The following GRID2IP variants were observed in gnomAD, a reference collection of about 807,000 sequenced individuals.
The protein encoded by GRID2IP is delphilin.
A neutral mutation model predicts 114.3 loss-of-function variants in GRID2IP; 78 were observed. The ratio of observed to expected loss-of-function variants is 0.68; its 90% CI spans 0.57 to 0.82. The LOEUF is 0.82. Among genes scored for constraint, GRID2IP ranks in the 40% least tolerant of loss-of-function variants. GRID2IP has a pLI of 0.00. For synonymous variants in GRID2IP, 809 were observed against 724.0 expected, an observed-to-expected ratio of 1.12 and a Z score of -1.89; for missense variants, 1,727 against 1,678.5, an observed-to-expected ratio of 1.03 and a Z score of -0.51.
chr7:6,507,849 T>A lies in GRID2IP; in HGVS notation c.2544+136A>T. 1 of 1,358,558 alleles carries A rather than the reference T, an allele frequency of 7.4e-7. No homozygotes were observed. Among genetic ancestry groups the A allele is most frequent in the East Asian group, 2.6e-5 (1 of 38,090 alleles). 84.2% of individuals were successfully genotyped at this position (1,358,558 alleles called of 1,614,324 possible). On this transcript the variant is annotated intron_variant, in intron 13 of 21. Coordinates refer to ENST00000457091, the MANE Select transcript of GRID2IP (RefSeq NM_001145118.2). The surrounding 1 kb of genome is among the most constrained non-coding windows in gnomAD (Gnocchi z 5.3). ...CCCAAGCGTGGGGACGTTCTTGGGC[T>A]GGGCCTCTACTCATCCTCTGCTTGG...
Position 6,498,347 on chromosome 7 carries a change from G to T in GRID2IP, c.3400-119C>A, listed in dbSNP as rs1301404994. 3.3e-6 allele frequency: 3 copies of T among 905,670 alleles called. No homozygotes were observed. In the African/African-American group the frequency reaches 5.1e-5, roughly 15 times the overall value. 56.1% of individuals were successfully genotyped at this position (905,670 alleles called of 1,614,324 possible). A position where few individuals can be genotyped will look rare whatever the true frequency, so the allele number is the denominator to read the frequency against. On this transcript the variant is annotated intron_variant, in intron 20 of 21. Coordinates refer to ENST00000457091, the MANE Select transcript of GRID2IP (RefSeq NM_001145118.2). ...CCGGTTGGCCTGAGTCCTTCCAAGG[G>T]CCAGGCCCTGTGTCCAACAGGGAAC... is the stretch of plus-strand genomic sequence containing the variant.
At chr7:6,517,411 C>T (rs542840681) in intron 7 of GRID2IP, among the ~76,000 whole-genome samples, 17 of 152,184 alleles carry the variant, frequency 1.1e-4, no homozygotes, top group Admixed American at 5.9e-4. Context: ...GAGAAAAACC[C>T]ACAGGCCCTG....
rs1169317094 is a variant in GRID2IP at position 6,509,739 on chromosome 7, G to A, written c.1772-426C>T. 6.6e-6 allele frequency among the ~76,000 whole-genome samples: 1 copy of A among 152,200 alleles called. No homozygotes were observed. Among genetic ancestry groups the A allele is most frequent in the African/African-American group, 2.4e-5 (1 of 41,448 alleles). ...GCAGAGCAACTGTCTTCCCAGCTGT[G>A]CCAACGCTGGTACAACGCGTTGCAC... On this transcript the variant is annotated intron_variant, in intron 11 of 21. Coordinates refer to ENST00000457091, the MANE Select transcript of GRID2IP (RefSeq NM_001145118.2). The surrounding 1 kb of genome is among the most constrained non-coding windows in gnomAD (Gnocchi z 4.9).
At position 6,531,027 on chromosome 7, in the gene GRID2IP, C is replaced by T. The variant is rs926281205; in HGVS notation, c.585-4258G>A. 7.8e-6 allele frequency: 5 copies of T among 644,632 alleles called. No individual in the cohort carries two copies. In the African/African-American group the frequency reaches 9.5e-5, roughly 12 times the overall value. 39.9% of individuals were successfully genotyped at this position (644,632 alleles called of 1,614,324 possible). A position where few individuals can be genotyped will look rare whatever the true frequency, so the allele number is the denominator to read the frequency against. ...CGAGGCGGATCCGTGGCGCAGAGGGCGCACGGTTCCCGGAGGCGCGGGACG... is the reference window on the plus strand; with the variant it reads ...CGAGGCGGATCCGTGGCGCAGAGGGTGCACGGTTCCCGGAGGCGCGGGACG... On this transcript the variant is annotated intron_variant, in intron 2 of 21. Coordinates refer to ENST00000457091, the MANE Select transcript of GRID2IP (RefSeq NM_001145118.2).
At chr7:6,548,119 G>A (rs770153857) in intron 1 of GRID2IP, among the ~76,000 whole-genome samples, 3 of 152,164 alleles carry the variant, frequency 2.0e-5, no homozygotes, top group Non-Finnish European at 2.9e-5. Context: ...TTGGAAGGCC[G>A]AGGTAGGCAG....
Position 6,509,852 on chromosome 7 carries a change from G to A in GRID2IP, c.1771+431C>T, listed in dbSNP as rs1214559519. Among the ~76,000 whole-genome samples the A allele has an allele frequency of 6.6e-6, 1 of 152,204 alleles. No homozygotes were observed. The highest frequency in any genetic ancestry group is 6.5e-5 in the Admixed American group (1 of 15,282). On this transcript the variant is annotated intron_variant, in intron 11 of 21. Coordinates refer to ENST00000457091, the MANE Select transcript of GRID2IP (RefSeq NM_001145118.2). This position sits in a 1 kb window ranked among gnomAD's most constrained non-coding sequence, Gnocchi z 4.9. ...TTCTTTCTTTTTCTTTTTTAAGACA[G>A]GGTCTTACTCTGTTGCTTATAGGCT...
Position 6,521,954 on chromosome 7 carries a change from C to A in GRID2IP, c.923G>T (p.Ser308Ile), listed in dbSNP as rs1199505603. ...CTTGAGGGCAGCATTGTCAGCTGGGCTCCCTGGAAGCAAGAAGAGAGGGTG... is the reference window on the plus strand; with the variant it reads ...CTTGAGGGCAGCATTGTCAGCTGGGATCCCTGGAAGCAAGAAGAGAGGGTG... ...PVWIESVLPGSPADNAALKSG... is the reference protein window; with the variant it reads ...PVWIESVLPGIPADNAALKSG... The change falls in exon 5 of 22, where the codon AGC (serine) becomes ATC (isoleucine). Residue 308 changes from serine to isoleucine, a missense_variant. By Grantham distance (142) the Ser-to-Ile change is moderately radical (BLOSUM62 -2). Coordinates refer to ENST00000457091, the MANE Select transcript of GRID2IP (RefSeq NM_001145118.2). The surrounding 1 kb of genome is among the most constrained non-coding windows in gnomAD (Gnocchi z 4.1). 1 of 1,551,186 alleles carries A rather than the reference C, an allele frequency of 6.4e-7. No homozygotes were observed. Among genetic ancestry groups the A allele is most frequent in the Admixed American group, 2.0e-5 (1 of 50,972 alleles).
At chr7:6,517,722 G>A (rs1467987551) in intron 7 of GRID2IP, among the ~76,000 whole-genome samples, 1 of 151,494 alleles carries the variant, frequency 6.6e-6, no homozygotes, top group African/African-American at 2.4e-5. Context: ...GGCCAACATG[G>A]TGAAACCCCA....
intron 1 of GRID2IP, among the ~76,000 whole-genome samples, chr7:6,546,802 G>T (rs923276725): frequency 6.6e-6 from 1 of 152,056 alleles, no homozygotes; most frequent in Admixed American, 6.6e-5. Context: ...TCCTGGGCAG[G>T]TCTTCTCTTG....
At chr7:6,549,097 G>A (rs933045157) in intron 1 of GRID2IP, among the ~76,000 whole-genome samples, 2 of 152,172 alleles carry the variant, frequency 1.3e-5, no homozygotes, top group African/African-American at 4.8e-5. Context: ...GGAGGTTGCT[G>A]TACTGGGACC....
intron 8 of GRID2IP, 32 bp downstream of exon 8, chr7:6,514,343 G>C (rs1432651376): frequency 6.8e-7 from 1 of 1,467,186 alleles, no homozygotes; most frequent in South Asian, 1.4e-5. Flanking sequence ...AGCAGCTGCA[G>C]GCAGGGAAGT....
chr7:6,544,071 A>G (rs920072441), intron 1 of GRID2IP, among the ~76,000 whole-genome samples: 1 of 151,934 alleles, frequency 6.6e-6, no homozygotes, highest in Non-Finnish European at 1.5e-5. Flanking sequence ...TGTTGGAATT[A>G]CACGTCTGAG....
At position 6,526,239 on chromosome 7, in the gene GRID2IP, C is replaced by T. The variant is rs899930185; in HGVS notation, c.904G>A (p.Glu302Lys). ...CACCCCTCACCAGGCAGGACAGACT[C>T]GATCCAGACAGGCCCGTGGCCGCGA... is the stretch of plus-strand genomic sequence containing the variant. ...TLRGHGPVWIESVLPGSPADN... is the reference protein window; with the variant it reads ...TLRGHGPVWIKSVLPGSPADN... The change falls in exon 4 of 22, where the codon GAG (glutamate) becomes AAG (lysine). Residue 302 changes from glutamate to lysine, a missense_variant. Transcript: ENST00000457091. The surrounding 1 kb of genome is among the most constrained non-coding windows in gnomAD (Gnocchi z 7.6). The T allele has an allele frequency of 1.9e-6, 3 of 1,551,808 alleles. No individual in the cohort carries two copies. Among genetic ancestry groups the T allele is most frequent in the Non-Finnish European group, 2.6e-6 (3 of 1,147,030 alleles).
At chr7:6,533,860 G>A (rs1253393060) in intron 2 of GRID2IP, among the ~76,000 whole-genome samples, 3 of 150,472 alleles carry the variant, frequency 2.0e-5, no homozygotes, top group African/African-American at 4.9e-5. Flanking sequence ...TATGCTGCCC[G>A]GACTGGTCTT....
intron 2 of GRID2IP, among the ~76,000 whole-genome samples, chr7:6,537,674 G>A (rs902299867): frequency 4.6e-5 from 7 of 151,540 alleles, no homozygotes; most frequent in Admixed American, 1.3e-4. Context: ...CACTGTGCCC[G>A]GCTGAGACCT....
At chr7:6,512,044 A>C (rs1400082227) in intron 8 of GRID2IP, among the ~76,000 whole-genome samples, 1 of 151,010 alleles carries the variant, frequency 6.6e-6, no homozygotes, top group African/African-American at 2.4e-5. Context: ...AGTAGCTGGG[A>C]CCACAGGCAT....
Position 6,551,095 on chromosome 7 carries a change from G to A in GRID2IP, c.342C>T (p.Gly114=), listed in dbSNP as rs78353923. 1 of 1,314,244 alleles carries A rather than the reference G, an allele frequency of 7.6e-7. No individual in the cohort carries two copies. 81.4% of individuals were successfully genotyped at this position (1,314,244 alleles called of 1,614,324 possible). The stretch of plus-strand genomic sequence containing the variant: ...GGCCGGCCAGGCGAAGCAGCTCACG[G>A]CCCAGAGCTAGGCCGCGGCCGCACC... ...APRCGRGLAL[G]RELLRLAGRK... The change falls in exon 1 of 22, where the codon GGC becomes GGT. Residue 114 remains glycine (G), a synonymous_variant. Transcript: ENST00000457091.
chr7:6,531,941 C>T (rs1005570047), intron 2 of GRID2IP, among the ~76,000 whole-genome samples: 13 of 152,086 alleles, frequency 8.5e-5, no homozygotes, highest in Admixed American at 7.2e-4. Flanking sequence ...GAGGACAGGA[C>T]GCCCAGGCTG....
rs544948347 is a variant in GRID2IP at position 6,545,367 on chromosome 7, G to A, written c.430-5495C>T. On this transcript the variant is annotated intron_variant, in intron 1 of 21. Coordinates refer to ENST00000457091, the MANE Select transcript of GRID2IP (RefSeq NM_001145118.2). Reference sequence around the variant, plus strand: ...CTGTAGTCTGGAGCCGTCTACACGTGCTGTTTCTGTACCACTGCCCTTTGC... The same window carrying A: ...CTGTAGTCTGGAGCCGTCTACACGTACTGTTTCTGTACCACTGCCCTTTGC... Among the ~76,000 whole-genome samples the A allele has an allele frequency of 2.0e-5, 3 of 152,262 alleles. No homozygotes were observed. The East Asian group carries it at 5.8e-4, about 29-fold the overall frequency.
Sources: allele counts gnomAD v4.1 joint callset (sites outside exome capture counted in the v4.1 genomes callset), GRCh38; gene constraint gnomAD v4.1.1; non-coding constraint Gnocchi (gnomAD v3.1); transcripts MANE v1.5; gene names NCBI Gene and HGNC (gene_info 2026-07-23, HGNC 2026-07-21).